The following CUBN variants were observed in gnomAD, a reference collection of about 807,000 sequenced individuals.
The protein encoded by CUBN is cubilin, also known as 460 kDa receptor.
Under a neutral mutation model 405.3 loss-of-function variants are expected in CUBN, and 282 were observed. That is an observed-to-expected ratio of 0.70 (90% CI 0.63 to 0.77). The LOEUF is 0.77. Among genes scored for constraint, CUBN ranks in the 30% least tolerant of loss-of-function variants. The pLI, the probability that CUBN is intolerant of heterozygous loss-of-function variation, is 0.00. For missense variants in CUBN, 4,514 were observed against 4,475.2 expected (o/e 1.01, Z -0.25); for synonymous variants, 1,684 against 1,617.0 (o/e 1.04, Z -0.99).
intron 31 of CUBN, among the ~76,000 whole-genome samples, chr10:16,956,317 C>G (rs1843063146): frequency 6.6e-6 from 1 of 151,524 alleles, no homozygotes; most frequent in South Asian, 2.1e-4. Flanking sequence ...ATTTAATGTT[C>G]AAAATTTAAA....
At chr10:17,100,523 G>A (rs1836472512) in intron 13 of CUBN, among the ~76,000 whole-genome samples, 1 of 152,070 alleles carries the variant, frequency 6.6e-6, no homozygotes. Context: ...CCAGACCAAG[G>A]TATGTCAAAT....
chr10:16,931,466 T>A (rs940768163), intron 40 of CUBN, among the ~76,000 whole-genome samples: 14 of 152,236 alleles, frequency 9.2e-5, no homozygotes, highest in African/African-American at 3.4e-4. Flanking sequence ...AAAGGCCGCA[T>A]AACCACTTTA....
chr10:16,968,444 T>C (rs1013886017), intron 31 of CUBN, among the ~76,000 whole-genome samples: 1 of 152,196 alleles, frequency 6.6e-6, no homozygotes, highest in Admixed American at 6.5e-5. Flanking sequence ...CAGGCTCTGT[T>C]AGCCCTCGTT....
At chr10:17,021,466 G>C (rs1329826556) in intron 27 of CUBN, among the ~76,000 whole-genome samples, 1 of 152,122 alleles carries the variant, frequency 6.6e-6, no homozygotes, top group Admixed American at 6.5e-5. Context: ...CTTGGGATAA[G>C]CTGCCCATGA....
chr10:17,097,281 C>T (rs911876922), intron 14 of CUBN, among the ~76,000 whole-genome samples: 1 of 151,934 alleles, frequency 6.6e-6, no homozygotes, highest in Non-Finnish European at 1.5e-5. Context: ...CCTACGAACA[C>T]TAAAACATAG....
chr10:16,846,811 T>G (rs1839524616), intron 60 of CUBN, among the ~76,000 whole-genome samples: 1 of 27,434 alleles, frequency 3.6e-5, no homozygotes. Flanking sequence ...AAACTCTGTC[T>G]CAAAAAAAAA....
chr10:16,953,759 G>A (rs1347307520), intron 32 of CUBN, among the ~76,000 whole-genome samples: 4 of 152,134 alleles, frequency 2.6e-5, no homozygotes, highest in Non-Finnish European at 4.4e-5. Context: ...GCTGAGGTGG[G>A]AGGATTGCCT....
At chr10:16,872,588 G>A (rs1840392198) in intron 58 of CUBN, among the ~76,000 whole-genome samples, 2 of 152,090 alleles carry the variant, frequency 1.3e-5, no homozygotes, top group Non-Finnish European at 2.9e-5. Flanking sequence ...CAGCAAGAAG[G>A]TACCTTCTAT....
chr10:16,858,435 C>T (rs925642053), intron 59 of CUBN, among the ~76,000 whole-genome samples: 1 of 152,154 alleles, frequency 6.6e-6, no homozygotes, highest in Non-Finnish European at 1.5e-5. Flanking sequence ...ATCCTCCTAC[C>T]TCAGCCTCCC....
chr10:16,897,678 G>C (rs1325010513), intron 54 of CUBN, among the ~76,000 whole-genome samples: 1 of 152,128 alleles, frequency 6.6e-6, no homozygotes, highest in East Asian at 1.9e-4. Flanking sequence ...CAGGTGTTAA[G>C]TGGCTTCCTG....
rs1835595171 is a variant in CUBN at position 17,065,524 on chromosome 10, T to C, written c.3123A>G (p.Ala1041=). The C allele has an allele frequency of 6.2e-7, 1 of 1,613,410 alleles. No individual in the cohort carries two copies. The highest frequency in any genetic ancestry group is 8.5e-7 in the Non-Finnish European group (1 of 1,179,460). Reference sequence around the variant, plus strand: ...TTTTGTTACCTGTTGCTGCACTGATTGCTTCATAGTTTATTAAGAAGCCTT... The same window carrying C: ...TTTTGTTACCTGTTGCTGCACTGATCGCTTCATAGTTTATTAAGAAGCCTT... The part of the protein sequence containing the change: ...AYEGFLINYE[A]ISAATACLQD... The change falls in exon 22 of 67, where the codon GCA becomes GCG. Residue 1041 remains alanine, a synonymous_variant. Transcript: ENST00000377833.
intron 54 of CUBN, among the ~76,000 whole-genome samples, chr10:16,893,181 T>C (rs149921952): frequency 2.0e-5 from 3 of 152,344 alleles, no homozygotes; most frequent in African/African-American, 7.2e-5. Context: ...TTGTAGGTTA[T>C]ATTTTATCAT....
At chr10:17,039,601 A>T (rs1196560034) in intron 27 of CUBN, among the ~76,000 whole-genome samples, 1 of 152,218 alleles carries the variant, frequency 6.6e-6, no homozygotes, top group African/African-American at 2.4e-5. Flanking sequence ...TCACCATGTG[A>T]AGAAATGGAT....
At chr10:16,928,438 A>G (rs1842260718) in intron 40 of CUBN, 135 bp from the exon 41 acceptor site, 1 of 922,308 alleles carries the variant, frequency 1.1e-6, no homozygotes, top group Non-Finnish European at 1.7e-6. Context: ...GGATCCTCAA[A>G]AAGAAGGACC....
chr10:16,875,973 C>T (rs563056436), intron 57 of CUBN, among the ~76,000 whole-genome samples: 1 of 152,326 alleles, frequency 6.6e-6, no homozygotes, highest in East Asian at 1.9e-4. Context: ...CAGAGCTACA[C>T]AGCCATATGT....
intron 54 of CUBN, among the ~76,000 whole-genome samples, chr10:16,896,663 GTT>G (rs1391754009): frequency 6.6e-6 from 1 of 152,100 alleles, no homozygotes; most frequent in Admixed American, 6.6e-5. Context: ...GTTTATCTTG[GTT>G]TAGGTTCACT....
intron 28 of CUBN, among the ~76,000 whole-genome samples, chr10:17,010,295 G>C (rs1037659003): frequency 6.6e-6 from 1 of 152,194 alleles, no homozygotes; most frequent in Non-Finnish European, 1.5e-5. Flanking sequence ...TTATAGAGAT[G>C]AATCAATCCA....
chr10:17,064,099 T>C (rs990567312), intron 22 of CUBN, among the ~76,000 whole-genome samples: 7 of 152,242 alleles, frequency 4.6e-5, no homozygotes, highest in East Asian at 1.9e-4. Flanking sequence ...TCACACACCA[T>C]AGCCTATTGT....
intron 14 of CUBN, among the ~76,000 whole-genome samples, chr10:17,090,610 C>A (rs1836233585): frequency 6.6e-6 from 1 of 151,948 alleles, no homozygotes; most frequent in Non-Finnish European, 1.5e-5. Context: ...ACCTTAAACA[C>A]TGTAATTTGA....
Sources: gnomAD v4.1 joint callset for allele counts (sites outside exome capture counted in the v4.1 genomes callset) on GRCh38, gnomAD v4.1.1 for gene constraint, MANE v1.5 for transcripts, NCBI Gene and HGNC (gene_info 2026-07-23, HGNC 2026-07-21) for gene names.